The following RIN2 variants were observed in gnomAD, a reference collection of about 807,000 sequenced individuals.
RIN2 encodes the protein Ras and Rab interactor 2.
Under a neutral mutation model 78.0 loss-of-function variants are expected in RIN2, and 36 were observed. The ratio of observed to expected loss-of-function variants is 0.46; its 90% confidence interval spans 0.35 to 0.61. The LOEUF (loss-of-function observed/expected upper bound fraction) is 0.61, where lower values mean the gene tolerates loss of function less well. Among genes scored for constraint, RIN2 ranks in the 20% least tolerant of loss-of-function variants. RIN2 has a pLI of 0.00. For missense variants in RIN2, 1,087 were observed against 1,159.7 expected (o/e 0.94, Z 0.91); for synonymous variants, 466 against 466.8 (o/e 1.00, Z 0.02).
chr20:19,856,221 T>A (rs1017169809), intron 2 of RIN2, among the ~76,000 whole-genome samples: 5 of 152,206 alleles, frequency 3.3e-5, no homozygotes, highest in Non-Finnish European at 7.3e-5. Context: ...TGGGAAAAAC[T>A]GTGCATGACG....
At chr20:19,911,410 G>A (rs903200273) in intron 3 of RIN2, among the ~76,000 whole-genome samples, 15 of 152,140 alleles carry the variant, frequency 9.9e-5, no homozygotes, top group Non-Finnish European at 2.2e-4. Context: ...AGCTACATAT[G>A]TAGTCTGTTT....
chr20:19,806,723 C>G (rs1347750552), intron 2 of RIN2, among the ~76,000 whole-genome samples: 1 of 152,100 alleles, frequency 6.6e-6, no homozygotes, highest in East Asian at 1.9e-4. Flanking sequence ...ATGGTGAAAC[C>G]TCATTTCTAC....
At chr20:19,848,534 CAAAAAAA>C (rs11352724) in intron 2 of RIN2, among the ~76,000 whole-genome samples, 1 of 52,838 alleles carries the variant, frequency 1.9e-5, no homozygotes, top group Admixed American at 2.2e-4. Flanking sequence ...GACTCCATCT[CAAAAAAA>C]AAAAAAAAAA....
chr20:19,911,156 T>C (rs1348168238), intron 3 of RIN2, among the ~76,000 whole-genome samples: 1 of 152,098 alleles, frequency 6.6e-6, no homozygotes, highest in Non-Finnish European at 1.5e-5. Flanking sequence ...TTTCAAGCAA[T>C]TCTCCTGCCT....
chr20:19,785,920 A>G (rs889349253), intron 1 of RIN2, among the ~76,000 whole-genome samples: 1 of 152,236 alleles, frequency 6.6e-6, no homozygotes. Flanking sequence ...ATATATGTCA[A>G]AGTAACACAT....
chr20:19,764,367 G>T (rs16981092), intron 1 of RIN2, among the ~76,000 whole-genome samples: 1 of 151,890 alleles, frequency 6.6e-6, no homozygotes, highest in African/African-American at 2.4e-5. Context: ...TTTGAGTCTC[G>T]GAAAGTCAGC....
At chr20:19,963,114 G>A (rs1383901096) in intron 6 of RIN2, among the ~76,000 whole-genome samples, 1 of 152,150 alleles carries the variant, frequency 6.6e-6, no homozygotes, top group East Asian at 1.9e-4. Flanking sequence ...GATAAGGAAA[G>A]TACTGTTAGG....
chr20:19,814,695 G>T (rs2035711308), intron 2 of RIN2, among the ~76,000 whole-genome samples: 2 of 152,112 alleles, frequency 1.3e-5, no homozygotes, highest in South Asian at 4.2e-4. Flanking sequence ...TGGAACTCAA[G>T]CATCCTCCCA....
At chr20:19,981,544 T>C (rs1190541282) in intron 9 of RIN2, among the ~76,000 whole-genome samples, 1 of 152,238 alleles carries the variant, frequency 6.6e-6, no homozygotes, top group East Asian at 1.9e-4. Flanking sequence ...GAGATTGGTC[T>C]CTTCTTCCCT....
chr20:19,773,964 C>A (rs1400707494), intron 1 of RIN2, among the ~76,000 whole-genome samples: 1 of 151,206 alleles, frequency 6.6e-6, no homozygotes, highest in African/African-American at 2.4e-5. Context: ...ATAAAAATCA[C>A]CATCATGCCC....
At chr20:19,821,273 T>C (rs1255317366) in intron 2 of RIN2, among the ~76,000 whole-genome samples, 1 of 152,188 alleles carries the variant, frequency 6.6e-6, no homozygotes, top group Non-Finnish European at 1.5e-5. Context: ...AGCTTTTATC[T>C]TTCTAGATGT....
chr20:19,869,516 G>A (rs2037615978), intron 2 of RIN2, among the ~76,000 whole-genome samples: 2 of 152,232 alleles, frequency 1.3e-5, no homozygotes, highest in Admixed American at 1.3e-4. Flanking sequence ...TTGTGGAGCT[G>A]CTGGATTGGC....
chr20:19,981,963 A>G (rs901477681), intron 9 of RIN2, among the ~76,000 whole-genome samples: 7 of 152,228 alleles, frequency 4.6e-5, no homozygotes, highest in African/African-American at 1.7e-4. Context: ...GAGAAGAAAC[A>G]TAATTCCATG....
At position 19,886,606 on chromosome 20, in the gene RIN2, CTTCTTCTTT is replaced by C. The variant is rs1245192702; in HGVS notation, c.-36-2957_-36-2949del. On this transcript the variant is annotated intron_variant, in intron 2 of 12. Coordinates refer to ENST00000255006, the MANE Select transcript of RIN2 (RefSeq NM_018993.4). ...CTATGAGGGCTGCCTTCTTCTTCTT[CTTCTTCTTT>C]TTTTTTTTTTTTTTTTGCTAGCTTT... The C allele has an allele frequency of 6.5e-4, 543 of 829,392 alleles. 1 individual carries two copies. In the African/African-American group the frequency reaches 0.011, roughly 16 times the overall value. The allele number at this position is 829,392 out of a possible 1,614,324, so 51.4% of individuals were successfully genotyped here. A position where few individuals can be genotyped will look rare whatever the true frequency, so the allele number is the denominator to read the frequency against.
Position 19,834,262 on chromosome 20 carries a change from C to T in RIN2, c.-37+34515C>T, listed in dbSNP as rs528823256. Reference sequence around the variant, plus strand: ...AGCAGATTACCTACGAGCAAATTCACATCCCCTCATTCAGCTTTTTGCTTA... The same window carrying T: ...AGCAGATTACCTACGAGCAAATTCATATCCCCTCATTCAGCTTTTTGCTTA... On this transcript the variant is annotated intron_variant, in intron 2 of 12. Coordinates refer to ENST00000255006, the MANE Select transcript of RIN2 (RefSeq NM_018993.4). 6.8e-4 allele frequency among the ~76,000 whole-genome samples: 103 copies of T among 152,334 alleles called. 1 individual carries two copies. Among genetic ancestry groups the T allele is most frequent in the Admixed American group, 1.2e-3 (18 of 15,296 alleles).
chr20:19,859,193 C>G (rs1321425284), intron 2 of RIN2, among the ~76,000 whole-genome samples: 3 of 152,192 alleles, frequency 2.0e-5, no homozygotes, highest in Non-Finnish European at 4.4e-5. Flanking sequence ...TGGGGAGGAG[C>G]CATCCAACTT....
At chr20:19,977,777 C>T (rs145178422) in intron 9 of RIN2, among the ~76,000 whole-genome samples, 3 of 152,304 alleles carry the variant, frequency 2.0e-5, no homozygotes, top group Non-Finnish European at 4.4e-5. Context: ...GTTGAGGCAG[C>T]TCAGACTAAA....
chr20:19,905,790 G>A (rs527788795), intron 3 of RIN2, among the ~76,000 whole-genome samples: 2 of 152,284 alleles, frequency 1.3e-5, no homozygotes, highest in South Asian at 2.1e-4. Context: ...ATTCACTCAC[G>A]TATTGTCTGT....
intron 1 of RIN2, among the ~76,000 whole-genome samples, chr20:19,759,513 TA>T (rs896795218): frequency 6.6e-6 from 1 of 152,160 alleles, no homozygotes; most frequent in Non-Finnish European, 1.5e-5. Flanking sequence ...AAATTGAATG[TA>T]AAAAATTCAT....
Sources: allele counts gnomAD v4.1 joint callset (sites outside exome capture counted in the v4.1 genomes callset), GRCh38; gene constraint gnomAD v4.1.1; transcripts MANE v1.5; gene names NCBI Gene and HGNC (gene_info 2026-07-23, HGNC 2026-07-21).